Variants in GRID1 observed in about 807,000 individuals in gnomAD.
GRID1 encodes glutamate receptor ionotropic, delta-1.
In GRID1, 28 loss-of-function variants were observed where a neutral mutation model predicts 98.0. The ratio of observed to expected loss-of-function variants is 0.29; its 90% CI spans 0.21 to 0.39. GRID1 has a LOEUF of 0.39. Among genes scored for constraint, GRID1 ranks in the 10% least tolerant of loss-of-function variants. The probability of loss-of-function intolerance (pLI) is 1.00; values close to 1 mark genes in which losing one functional copy is unlikely to be tolerated. For missense variants in GRID1, 1,111 were observed against 1,340.5 expected, an observed-to-expected ratio of 0.83 and a Z score of 2.67; for synonymous variants, 553 against 538.5, an observed-to-expected ratio of 1.03 and a Z score of -0.37.
chr10:86,097,249 A>T (rs1376088807), intron 4 of GRID1, among the ~76,000 whole-genome samples: 1 of 152,238 alleles, frequency 6.6e-6, no homozygotes, highest in Non-Finnish European at 1.5e-5. Context: ...ATCCCAGACG[A>T]TAGATATATA....
chr10:86,348,379 G>T (rs964508381), intron 2 of GRID1, among the ~76,000 whole-genome samples: 2 of 152,240 alleles, frequency 1.3e-5, no homozygotes, highest in African/African-American at 4.8e-5. Context: ...GCCAGGAAAG[G>T]CCTCCTGAAG....
At chr10:85,632,099 A>G (rs1026048950) in intron 13 of GRID1, among the ~76,000 whole-genome samples, 2 of 152,136 alleles carry the variant, frequency 1.3e-5, no homozygotes, top group African/African-American at 4.8e-5. Context: ...AAATATGTGT[A>G]AAGTGATTGA....
intron 4 of GRID1, among the ~76,000 whole-genome samples, chr10:85,958,267 G>A (rs1842220172): frequency 6.6e-6 from 1 of 152,186 alleles, no homozygotes; most frequent in South Asian, 2.1e-4. Flanking sequence ...GGAATGCCAG[G>A]GGTAAGTCAC....
intron 3 of GRID1, among the ~76,000 whole-genome samples, chr10:86,169,120 C>T (rs923739595): frequency 6.6e-6 from 1 of 152,210 alleles, no homozygotes; most frequent in African/African-American, 2.4e-5. Context: ...AGAGCTAGAC[C>T]GGACTGCAAC....
intron 4 of GRID1, among the ~76,000 whole-genome samples, chr10:86,072,474 T>G (rs111852458): frequency 0.043 from 6,592 of 152,282 alleles, 168 homozygotes; most frequent in Middle Eastern, 0.068. Context: ...CCATAACTAC[T>G]CTTTCGTTTT....
intron 5 of GRID1, among the ~76,000 whole-genome samples, chr10:85,902,618 G>A (rs540514483): frequency 9.2e-5 from 14 of 152,338 alleles, no homozygotes; most frequent in Admixed American, 2.6e-4. Context: ...GAGTGAGAGG[G>A]AAGATAAGGG....
rs138767746 is a variant in GRID1 at position 85,787,886 on chromosome 10, G to C, written c.1234-58272C>G. Among the ~76,000 whole-genome samples the C allele has an allele frequency of 1.9e-4, 29 of 152,036 alleles. 1 individual carries two copies. In the East Asian group the frequency reaches 3.5e-3, roughly 18 times the overall value. Reference sequence around the variant, plus strand: ...TCTACTCCCGATGCTTCTGCTCCTGGGACTGAGAAGGTCCCCAGTGGCTCA... The same window carrying C: ...TCTACTCCCGATGCTTCTGCTCCTGCGACTGAGAAGGTCCCCAGTGGCTCA... On this transcript the variant is annotated intron_variant, in intron 8 of 15. Transcript: ENST00000327946.
chr10:86,164,482 C>A (rs1845369199), intron 3 of GRID1, among the ~76,000 whole-genome samples: 2 of 152,212 alleles, frequency 1.3e-5, no homozygotes, highest in Non-Finnish European at 2.9e-5. Context: ...GTGTTCCAGG[C>A]AGCCTGCTGA....
intron 4 of GRID1, among the ~76,000 whole-genome samples, chr10:85,919,124 T>C (rs1399186476): frequency 6.6e-6 from 1 of 152,222 alleles, no homozygotes; most frequent in African/African-American, 2.4e-5. Flanking sequence ...TGGGTATACC[T>C]GTGCAGGTGA....
chr10:85,764,748 G>A (rs1590221342), intron 8 of GRID1, among the ~76,000 whole-genome samples: 3 of 152,324 alleles, frequency 2.0e-5, no homozygotes, highest in African/African-American at 7.2e-5. Flanking sequence ...TGAAGCTACA[G>A]TTTACTCTGC....
At chr10:86,170,842 T>C (rs906433409) in intron 3 of GRID1, among the ~76,000 whole-genome samples, 1 of 152,174 alleles carries the variant, frequency 6.6e-6, no homozygotes, top group African/African-American at 2.4e-5. Context: ...GTGCTTCCTG[T>C]CTATTTTCAG....
chr10:86,342,115 CAG>C (rs1848318896), intron 2 of GRID1, among the ~76,000 whole-genome samples: 1 of 152,146 alleles, frequency 6.6e-6, no homozygotes, highest in African/African-American at 2.4e-5. Context: ...CTAGTTTTTG[CAG>C]AGACTTCCCA....
chr10:85,996,993 A>T (rs1371524980), intron 4 of GRID1, among the ~76,000 whole-genome samples: 2 of 152,146 alleles, frequency 1.3e-5, no homozygotes, highest in Non-Finnish European at 2.9e-5. Flanking sequence ...GACAAATCAC[A>T]ATTAAACTGC....
At chr10:86,038,060 G>A (rs1219081480) in intron 4 of GRID1, among the ~76,000 whole-genome samples, 3 of 152,142 alleles carry the variant, frequency 2.0e-5, no homozygotes, top group Non-Finnish European at 4.4e-5. Context: ...AAGATCGCAT[G>A]AAGACATAGG....
intron 2 of GRID1, among the ~76,000 whole-genome samples, chr10:86,241,459 A>T (rs879350836): frequency 1.3e-5 from 2 of 152,158 alleles, no homozygotes; most frequent in Admixed American, 1.3e-4. Context: ...CCCCTGCCAA[A>T]CGAGCACCAC....
At chr10:86,253,348 T>C (rs1846866396) in intron 2 of GRID1, among the ~76,000 whole-genome samples, 1 of 152,164 alleles carries the variant, frequency 6.6e-6, no homozygotes, top group Admixed American at 6.5e-5. Flanking sequence ...GATTCTTCAT[T>C]GGAAACTGAT....
chr10:85,726,234 A>ATT (rs112297328), intron 10 of GRID1, among the ~76,000 whole-genome samples: 3 of 146,378 alleles, frequency 2.0e-5, no homozygotes, highest in African/African-American at 7.5e-5. Flanking sequence ...AAGTACAATC[A>ATT]TTTTTTTTTT....
chr10:86,004,288 G>GA (rs368377364), intron 4 of GRID1, among the ~76,000 whole-genome samples: 2 of 152,168 alleles, frequency 1.3e-5, no homozygotes, highest in South Asian at 4.1e-4. Flanking sequence ...ACACATGTTT[G>GA]AAAAATGTCC....
intron 4 of GRID1, among the ~76,000 whole-genome samples, chr10:86,060,237 G>T (rs1843630635): frequency 6.6e-6 from 1 of 152,214 alleles, no homozygotes; most frequent in Non-Finnish European, 1.5e-5. Context: ...TCTTTCATCT[G>T]CTTCCCTAAG....
Sources: gnomAD v4.1 joint callset for allele counts (sites outside exome capture counted in the v4.1 genomes callset) on GRCh38, gnomAD v4.1.1 for gene constraint, MANE v1.5 for transcripts, NCBI Gene and HGNC (gene_info 2026-07-23, HGNC 2026-07-21) for gene names.